The following KCNIP4 variants were observed in gnomAD, a reference collection of about 807,000 sequenced individuals.
KCNIP4 encodes the protein Kv channel-interacting protein 4.
In KCNIP4, 12 loss-of-function variants were observed where a neutral mutation model predicts 34.0. The ratio of observed to expected loss-of-function variants is 0.35; its 90% CI spans 0.23 to 0.57. The LOEUF is 0.57. Among genes scored for constraint, KCNIP4 ranks in the 20% least tolerant of loss-of-function variants. KCNIP4 has a pLI of 0.83. For missense variants in KCNIP4, 238 were observed against 311.7 expected (o/e 0.76, Z 1.78); for synonymous variants, 124 against 102.2 (o/e 1.21, Z -1.29).
intron 1 of KCNIP4, among the ~76,000 whole-genome samples, chr4:20,973,706 C>T (rs981308039): frequency 4.5e-4 from 68 of 152,220 alleles, no homozygotes; most frequent in African/African-American, 1.5e-3. Context: ...TTTACTTGAA[C>T]ACTTAGAGGC....
chr4:21,166,327 G>A (rs1753623787), intron 1 of KCNIP4, among the ~76,000 whole-genome samples: 1 of 152,118 alleles, frequency 6.6e-6, no homozygotes, highest in Non-Finnish European at 1.5e-5. Context: ...CCATATATTA[G>A]TCATGAAGAA....
At chr4:21,112,050 T>TATCTATCTATCTATATATATATCC (rs1749251248) in intron 1 of KCNIP4, among the ~76,000 whole-genome samples, 45 of 151,874 alleles carry the variant, frequency 3.0e-4, no homozygotes, top group African/African-American at 1.0e-3. Context: ...TCTATCTATC[T>TATCTATCTATCTATATATATATCC]ATCTATCTAT....
chr4:20,771,757 C>A (rs1296411138), intron 3 of KCNIP4, among the ~76,000 whole-genome samples: 1 of 152,006 alleles, frequency 6.6e-6, no homozygotes, highest in Non-Finnish European at 1.5e-5. Flanking sequence ...GCAAGCTCCA[C>A]CTCCTGGGTT....
At chr4:21,232,953 C>T (rs1758906823) in intron 1 of KCNIP4, among the ~76,000 whole-genome samples, 1 of 152,002 alleles carries the variant, frequency 6.6e-6, no homozygotes, top group South Asian at 2.1e-4. Flanking sequence ...GAGAGGTTCA[C>T]TGAGGGGGCA....
intron 1 of KCNIP4, among the ~76,000 whole-genome samples, chr4:20,982,256 G>C (rs546848042): frequency 1.3e-5 from 2 of 152,322 alleles, no homozygotes. Context: ...GTCAGCTCCA[G>C]TACAATGCAC....
At chr4:21,331,977 T>C (rs1578088835) in intron 1 of KCNIP4, among the ~76,000 whole-genome samples, 1 of 152,254 alleles carries the variant, frequency 6.6e-6, no homozygotes, top group South Asian at 2.1e-4. Flanking sequence ...GTCATTTGTA[T>C]ACATGATAAT....
At chr4:21,580,092 A>G (rs1220434933) in intron 1 of KCNIP4, among the ~76,000 whole-genome samples, 1 of 152,140 alleles carries the variant, frequency 6.6e-6, no homozygotes, top group African/African-American at 2.4e-5. Flanking sequence ...TCTATATACC[A>G]CTGAATTTTA....
intron 1 of KCNIP4, among the ~76,000 whole-genome samples, chr4:21,158,864 A>G (rs1753361633): frequency 6.6e-6 from 1 of 152,200 alleles, no homozygotes; most frequent in African/African-American, 2.4e-5. Context: ...CTGTCTATGT[A>G]TAAATTCCAA....
chr4:21,758,550 A>T (rs1359517432), intron 1 of KCNIP4, among the ~76,000 whole-genome samples: 2 of 152,206 alleles, frequency 1.3e-5, no homozygotes, highest in African/African-American at 4.8e-5. Context: ...TGGGATTCAG[A>T]TTTTAATAGG....
chr4:21,124,648 G>A (rs1404380898), intron 1 of KCNIP4, among the ~76,000 whole-genome samples: 1 of 152,070 alleles, frequency 6.6e-6, no homozygotes, highest in Non-Finnish European at 1.5e-5. Context: ...ATCAGGGCTA[G>A]CATAAAAGAA....
intron 1 of KCNIP4, among the ~76,000 whole-genome samples, chr4:21,190,241 C>A (rs1755525487): frequency 6.6e-6 from 1 of 152,014 alleles, no homozygotes; most frequent in African/African-American, 2.4e-5. Flanking sequence ...GATTACAGAC[C>A]ACTGCAGTAT....
At chr4:21,297,215 ATATT>A (rs1348816982) in intron 1 of KCNIP4, among the ~76,000 whole-genome samples, 3 of 151,990 alleles carry the variant, frequency 2.0e-5, no homozygotes, top group Non-Finnish European at 4.4e-5. Context: ...AGTGACATAT[ATATT>A]TGTTATAGGA....
intron 1 of KCNIP4, among the ~76,000 whole-genome samples, chr4:21,763,183 A>G (rs1718175243): frequency 6.6e-6 from 1 of 152,168 alleles, no homozygotes; most frequent in Non-Finnish European, 1.5e-5. Context: ...CATTGCCCAG[A>G]TTATCATTTT....
At chr4:21,679,448 A>C (rs1750171121) in intron 1 of KCNIP4, among the ~76,000 whole-genome samples, 1 of 142,706 alleles carries the variant, frequency 7.0e-6, no homozygotes, top group Admixed American at 7.2e-5. Context: ...CAATGCATTC[A>C]TCTCTTATAT....
intron 3 of KCNIP4, among the ~76,000 whole-genome samples, chr4:20,770,708 CG>C (rs1430707929): frequency 6.6e-6 from 1 of 152,004 alleles, no homozygotes; most frequent in African/African-American, 2.4e-5. Context: ...CTGAAGTGGG[CG>C]GATCACCTGA....
At chr4:21,869,572 A>G (rs1266274471) in intron 1 of KCNIP4, among the ~76,000 whole-genome samples, 1 of 152,138 alleles carries the variant, frequency 6.6e-6, no homozygotes, top group Non-Finnish European at 1.5e-5. Flanking sequence ...TTGAACAGCC[A>G]GGGTCAACCT....
At chr4:21,456,058 C>T (rs960616829) in intron 1 of KCNIP4, among the ~76,000 whole-genome samples, 3 of 145,848 alleles carry the variant, frequency 2.1e-5, no homozygotes, top group Admixed American at 6.7e-5. Flanking sequence ...TTGCTTAATA[C>T]GAAGAGAAGA....
At chr4:21,266,921 G>A (rs1343148368) in intron 1 of KCNIP4, among the ~76,000 whole-genome samples, 2 of 152,164 alleles carry the variant, frequency 1.3e-5, no homozygotes. Flanking sequence ...TTGCCTTAAC[G>A]ATCCAAGTGA....
chr4:21,078,638 T>C (rs1745723251), intron 1 of KCNIP4, among the ~76,000 whole-genome samples: 1 of 152,042 alleles, frequency 6.6e-6, no homozygotes, highest in African/African-American at 2.4e-5. Context: ...ATTCACCCCA[T>C]AGCATACCCA....
Sources: gnomAD v4.1 joint callset for allele counts (sites outside exome capture counted in the v4.1 genomes callset) on GRCh38, gnomAD v4.1.1 for gene constraint, MANE v1.5 for transcripts, NCBI Gene and HGNC (gene_info 2026-07-23, HGNC 2026-07-21) for gene names.